The following TBC1D1 variants were observed in gnomAD, a reference collection of about 807,000 sequenced individuals.
TBC1D1 encodes TBC1 (tre-2/USP6, BUB2, cdc16) domain family, member 1.
TBC1D1 carries 89 observed loss-of-function variants against 125.6 expected under a neutral mutation model. The ratio of observed to expected loss-of-function variants is 0.71; its 90% CI spans 0.60 to 0.85. The LOEUF (loss-of-function observed/expected upper bound fraction) is 0.85, where lower values mean the gene tolerates loss of function less well. TBC1D1 is among the 40% of genes least tolerant of loss of function. The pLI, the probability that TBC1D1 is intolerant of heterozygous loss-of-function variation, is 0.00. For missense variants in TBC1D1, 1,377 were observed against 1,469.2 expected (o/e 0.94, Z 1.03); for synonymous variants, 565 against 564.1 (o/e 1.00, Z -0.02).
chr4:37,893,839 G>A (rs1460769218), intron 1 of TBC1D1, among the ~76,000 whole-genome samples: 2 of 152,168 alleles, frequency 1.3e-5, no homozygotes, highest in African/African-American at 4.8e-5. Flanking sequence ...CTGTAGTGAT[G>A]ACGAAGGATT....
chr4:37,998,656 T>G (rs1383080838), intron 2 of TBC1D1, among the ~76,000 whole-genome samples: 1 of 152,190 alleles, frequency 6.6e-6, no homozygotes, highest in Non-Finnish European at 1.5e-5. Context: ...TCCCCACTCT[T>G]CAGCCCAGCG....
chr4:37,946,688 A>C (rs1191809917), intron 2 of TBC1D1, among the ~76,000 whole-genome samples: 2 of 152,154 alleles, frequency 1.3e-5, no homozygotes, highest in African/African-American at 2.4e-5. Flanking sequence ...AGGGAGGAGA[A>C]GTGGAGTTGT....
chr4:37,898,181 C>A (rs1227425751), intron 1 of TBC1D1, among the ~76,000 whole-genome samples: 1 of 152,146 alleles, frequency 6.6e-6, no homozygotes, highest in African/African-American at 2.4e-5. Context: ...ATTTTGGAAA[C>A]CCCAAACCTT....
chr4:38,056,903 C>T (rs189374781), intron 12 of TBC1D1, among the ~76,000 whole-genome samples: 29 of 152,254 alleles, frequency 1.9e-4, no homozygotes, highest in Middle Eastern at 6.8e-3. Flanking sequence ...AGTCCTTTTG[C>T]GATTGTTTTG....
Position 37,901,898 on chromosome 4 carries a change from A to G in TBC1D1, c.-93-105A>G, listed in dbSNP as rs1249892252. 2 of 526,756 alleles carry G rather than the reference A, an allele frequency of 3.8e-6. 1 individual carries two copies. The highest frequency in any genetic ancestry group is 6.1e-5 in the South Asian group (2 of 33,046). The allele number at this position is 526,756 out of a possible 1,614,324, so 32.6% of individuals were successfully genotyped here. A position where few individuals can be genotyped will look rare whatever the true frequency, so the allele number is the denominator to read the frequency against. On this transcript the variant is annotated intron_variant, in intron 1 of 19. Transcript: ENST00000261439. ...GAGAAGCTTATTTGAACCTCTTATTATATTTGGGTTTCAGGCTTTTGAGTT... is the reference window on the plus strand; with the variant it reads ...GAGAAGCTTATTTGAACCTCTTATTGTATTTGGGTTTCAGGCTTTTGAGTT...
At chr4:38,119,808 A>T in intron 17 of TBC1D1, 1 of 226,526 alleles carries the variant, frequency 4.4e-6, no homozygotes, top group Non-Finnish European at 7.4e-6. Context: ...CTCAGGCATT[A>T]AATTACTTGG....
At chr4:38,126,064 T>C (rs1764588825) in intron 18 of TBC1D1, among the ~76,000 whole-genome samples, 1 of 152,230 alleles carries the variant, frequency 6.6e-6, no homozygotes, top group African/African-American at 2.4e-5. Flanking sequence ...TAAAGTGTAC[T>C]TAAACCCAAG....
intron 2 of TBC1D1, among the ~76,000 whole-genome samples, chr4:38,009,285 G>T (rs1225959840): frequency 1.3e-5 from 2 of 151,988 alleles, no homozygotes; most frequent in Non-Finnish European, 2.9e-5. Flanking sequence ...TTCATCTAAG[G>T]GAAAAAACAC....
At position 37,946,401 on chromosome 4, in the gene TBC1D1, G is replaced by A. The variant is rs534902292; in HGVS notation, c.417+43889G>A. Among the ~76,000 whole-genome samples the A allele has an allele frequency of 1.3e-3, 195 of 152,264 alleles. 2 individuals are homozygous for A. Among genetic ancestry groups the A allele is most frequent in the African/African-American group, 4.4e-3 (184 of 41,548 alleles). Reference sequence around the variant, plus strand: ...GATTTGCTAAGTACCTGATTTGGTCGTTATACATCATATGCATGCATGGAA... The same window carrying A: ...GATTTGCTAAGTACCTGATTTGGTCATTATACATCATATGCATGCATGGAA... On this transcript the variant is annotated intron_variant, in intron 2 of 19. Transcript: ENST00000261439.
intron 8 of TBC1D1, among the ~76,000 whole-genome samples, chr4:38,043,303 A>C (rs183028096): frequency 7.9e-5 from 12 of 152,082 alleles, no homozygotes; most frequent in African/African-American, 2.4e-4. Context: ...TATTAAAAAA[A>C]AAATGTACCT....
chr4:37,950,828 G>C (rs1051904688), intron 2 of TBC1D1, among the ~76,000 whole-genome samples: 43 of 149,398 alleles, frequency 2.9e-4, no homozygotes, highest in Non-Finnish European at 5.9e-4. Context: ...GTGTGATCTC[G>C]ACTCACTGAA....
intron 2 of TBC1D1, chr4:38,006,913 T>C (rs1341068685): frequency 1.1e-5 from 5 of 466,690 alleles, no homozygotes; most frequent in Non-Finnish European, 2.1e-5. Context: ...GAAACCAGAG[T>C]GTTCCCATGA....
chr4:38,025,607 T>A (rs1213959875), intron 6 of TBC1D1, among the ~76,000 whole-genome samples: 1 of 152,230 alleles, frequency 6.6e-6, no homozygotes, highest in African/African-American at 2.4e-5. Flanking sequence ...TAACTCTTCT[T>A]AAGCCTTGGG....
intron 2 of TBC1D1, among the ~76,000 whole-genome samples, chr4:37,999,113 G>A (rs974102465): frequency 6.6e-6 from 1 of 152,182 alleles, no homozygotes; most frequent in African/African-American, 2.4e-5. Flanking sequence ...GTCGGGTGTG[G>A]TGGTGGGCGC....
At chr4:38,131,079 C>T (rs757047435) in intron 18 of TBC1D1, among the ~76,000 whole-genome samples, 5 of 152,130 alleles carry the variant, frequency 3.3e-5, no homozygotes, top group Non-Finnish European at 7.3e-5. Context: ...AATGAAGGGC[C>T]TAGGAGTCTT....
At position 38,014,539 on chromosome 4, in the gene TBC1D1, G is replaced by T; in HGVS notation, c.448G>T (p.Ala150Ser). The change falls in exon 3 of 20, where the codon GCG becomes TCG. Residue 150 changes from alanine (A) to serine (S), a missense_variant. Physicochemically the swap from Ala to Ser is moderately conservative, Grantham distance 99 (BLOSUM62 1). Transcript: ENST00000261439. The surrounding 1 kb of genome is among the most constrained non-coding windows in gnomAD (Gnocchi z 5.1). ...TGAGATCATCAGCTCCATCCGTCAG[G>T]CGGGGAAGATCGCCCGGCAGGAGGA... The T allele has an allele frequency of 6.2e-7, 1 of 1,613,266 alleles. No homozygotes were observed. The highest frequency in any genetic ancestry group is 8.5e-7 in the Non-Finnish European group (1 of 1,179,992).
In TBC1D1 at chr4:37,977,497, G is replaced by A. The variant is rs1273319876; in HGVS notation, c.418-37012G>A. 3.0e-6 allele frequency: 3 copies of A among 991,234 alleles called. No homozygotes were observed. The highest frequency in any genetic ancestry group is 3.6e-6 in the Non-Finnish European group (3 of 827,806). The allele number at this position is 991,234 out of a possible 1,614,324, so 61.4% of individuals were successfully genotyped here. On this transcript the variant is annotated intron_variant, in intron 2 of 19. Coordinates refer to ENST00000261439, the MANE Select transcript of TBC1D1 (RefSeq NM_015173.4). This position sits in a 1 kb window ranked among gnomAD's most constrained non-coding sequence, Gnocchi z 4.3. ...CGGGCGAAGAGCCGCCGCCCGGCCC[G>A]CGATGTCACCATTGTTCAGCTGGGT...
At chr4:38,116,044 G>A (rs934319023) in intron 16 of TBC1D1, 90 bp downstream of exon 18, 65 of 1,433,724 alleles carry the variant, frequency 4.5e-5, no homozygotes, top group African/African-American at 9.9e-5. Flanking sequence ...CTTTTTCACC[G>A]TCAGGTAACA....
chr4:37,999,640 G>A (rs959373591), intron 2 of TBC1D1, among the ~76,000 whole-genome samples: 12 of 152,238 alleles, frequency 7.9e-5, no homozygotes, highest in African/African-American at 2.4e-4. Context: ...CATTTGGGTT[G>A]GATCTGGAAG....
Sources: gnomAD v4.1 joint callset for allele counts (sites outside exome capture counted in the v4.1 genomes callset) on GRCh38, gnomAD v4.1.1 for gene constraint, Gnocchi (gnomAD v3.1) non-coding constraint, MANE v1.5 for transcripts, NCBI Gene and HGNC (gene_info 2026-07-23, HGNC 2026-07-21) for gene names.